The following ZFPM2 variants were observed in gnomAD, a reference collection of about 807,000 sequenced individuals.
The protein encoded by ZFPM2 is zinc finger protein, FOG family member 2.
A neutral mutation model predicts 98.6 loss-of-function variants in ZFPM2; 20 were observed. That is an observed-to-expected ratio of 0.20 (90% CI 0.14 to 0.29). ZFPM2 has a LOEUF of 0.29. Among genes scored for constraint, ZFPM2 ranks in the 10% least tolerant of loss-of-function variants. The pLI is 1.00. For synonymous variants in ZFPM2, 518 were observed against 502.7 expected, an observed-to-expected ratio of 1.03 and a Z score of -0.41; for missense variants, 1,310 against 1,388.6, an observed-to-expected ratio of 0.94 and a Z score of 0.90.
intron 5 of ZFPM2, among the ~76,000 whole-genome samples, chr8:105,651,084 C>T (rs1177279039): frequency 1.3e-5 from 2 of 152,166 alleles, no homozygotes; most frequent in Admixed American, 6.5e-5. Flanking sequence ...TTATGTGGGG[C>T]TTGATCTAGT....
chr8:105,318,800 G>T lies in ZFPM2; in HGVS notation c.-142G>T, dbSNP rs946264038. ...TCCGCGGCTCCCGGAGGAGCCCAGC[G>T]CCCGGAGCACCTGGAGTCCGGCCGG... is the stretch of plus-strand genomic sequence containing the variant. On this transcript the variant is annotated 5_prime_UTR_variant, in exon 1 of 8. Transcript: ENST00000407775. 1.9e-5 allele frequency: 5 copies of T among 265,976 alleles called. No homozygotes were observed. The highest frequency in any genetic ancestry group is 2.3e-5 in the African/African-American group (1 of 42,820). 16.5% of individuals were successfully genotyped at this position (265,976 alleles called of 1,614,324 possible).
At chr8:105,393,179 A>G (rs1811141303) in intron 1 of ZFPM2, among the ~76,000 whole-genome samples, 1 of 152,196 alleles carries the variant, frequency 6.6e-6, no homozygotes, top group Admixed American at 6.5e-5. Context: ...AATATTTTAA[A>G]GAAATATTTT....
chr8:105,798,085 T>G (rs2131167493), intron 6 of ZFPM2: 1 of 152,386 alleles, frequency 6.6e-6, no homozygotes, highest in South Asian at 2.1e-4. Flanking sequence ...CCTTACATCC[T>G]TACCTTTTAA....
At chr8:105,774,891 G>A (rs1034502366) in intron 5 of ZFPM2, among the ~76,000 whole-genome samples, 2 of 151,946 alleles carry the variant, frequency 1.3e-5, no homozygotes, top group Non-Finnish European at 2.9e-5. Flanking sequence ...ACCTCTAAGT[G>A]CTTGAGGGGG....
intron 3 of ZFPM2, among the ~76,000 whole-genome samples, chr8:105,502,444 G>A (rs901824712): frequency 2.0e-5 from 3 of 152,014 alleles, no homozygotes; most frequent in African/African-American, 7.2e-5. Context: ...CAGGAAAAAA[G>A]TCACCATTTA....
At chr8:105,403,904 T>C (rs1217403311) in intron 1 of ZFPM2, among the ~76,000 whole-genome samples, 1 of 151,956 alleles carries the variant, frequency 6.6e-6, no homozygotes, top group Non-Finnish European at 1.5e-5. Context: ...GTAATATTTA[T>C]GATCTCCCTG....
chr8:105,324,130 T>A (rs76032693), intron 1 of ZFPM2, among the ~76,000 whole-genome samples: 5,279 of 151,950 alleles, frequency 0.035, 297 homozygotes, highest in African/African-American at 0.12. Flanking sequence ...TTAAGTGATT[T>A]GCTCCTGATT....
chr8:105,444,194 G>T, intron 2 of ZFPM2, 86 bp from the exon 3 acceptor site: 1 of 1,009,934 alleles, frequency 9.9e-7, no homozygotes. Context: ...TTAGATATAT[G>T]ATAAGGACAT....
chr8:105,682,970 C>T (rs925416719), intron 5 of ZFPM2, among the ~76,000 whole-genome samples: 1 of 152,018 alleles, frequency 6.6e-6, no homozygotes, highest in African/African-American at 2.4e-5. Context: ...TCTTACAGTT[C>T]TGGAGGCTGG....
chr8:105,536,359 T>A (rs1015011545), intron 3 of ZFPM2, among the ~76,000 whole-genome samples: 1 of 152,092 alleles, frequency 6.6e-6, no homozygotes, highest in African/African-American at 2.4e-5. Flanking sequence ...AGACTCGTAT[T>A]TAAGTAAATT....
Position 105,446,486 on chromosome 8 carries a change from C to G in ZFPM2, c.301+2105C>G, listed in dbSNP as rs116355944. ...GCTGTACACCCAGTGCTACCTTTTT[C>G]AGGAAGCTTTTCGAGAAATAAAGTT... On this transcript the variant is annotated intron_variant, in intron 3 of 7. Transcript: ENST00000407775. 6.4e-3 allele frequency among the ~76,000 whole-genome samples: 980 copies of G among 152,096 alleles called. 10 individuals are homozygous for G. Among genetic ancestry groups the G allele is most frequent in the African/African-American group, 0.022 (933 of 41,492 alleles).
Position 105,393,386 on chromosome 8 carries a change from C to CTTTCTTTCTTTCTTTCTTTCTT in ZFPM2, c.41-25752_41-25751insTCTTTCTTTCTTTCTTTTTCTT, listed in dbSNP as rs1586340311. Among the ~76,000 whole-genome samples, 3 of 140,720 alleles carry CTTTCTTTCTTTCTTTCTTTCTT rather than the reference C, an allele frequency of 2.1e-5. No individual in the cohort carries two copies. The East Asian group carries it at 6.0e-4, about 28-fold the overall frequency. 92.3% of individuals were successfully genotyped at this position (140,720 alleles called of 152,430 possible). A position where few individuals can be genotyped will look rare whatever the true frequency, so the allele number is the denominator to read the frequency against. ...TCTTTCTTTCTTTCTTTCTTTCTTT[C>CTTTCTTTCTTTCTTTCTTTCTT]TTTCTTCTTCAGAATTTAAATATGG... On this transcript the variant is annotated intron_variant, in intron 1 of 7. Coordinates refer to ENST00000407775, the MANE Select transcript of ZFPM2 (RefSeq NM_012082.4).
chr8:105,682,441 T>C (rs1810629348), intron 5 of ZFPM2, among the ~76,000 whole-genome samples: 1 of 152,098 alleles, frequency 6.6e-6, no homozygotes, highest in African/African-American at 2.4e-5. Context: ...TGAGATTTTA[T>C]AGAATACAGA....
intron 5 of ZFPM2, among the ~76,000 whole-genome samples, chr8:105,768,256 GA>G (rs1218565398): frequency 2.6e-5 from 4 of 151,848 alleles, no homozygotes; most frequent in Non-Finnish European, 5.9e-5. Flanking sequence ...TGACCTCCTA[GA>G]TATAACACTA....
At chr8:105,749,662 GT>G (rs199968882) in intron 5 of ZFPM2, among the ~76,000 whole-genome samples, 8 of 150,460 alleles carry the variant, frequency 5.3e-5, no homozygotes, top group Admixed American at 4.0e-4. Context: ...ATATTGCTTT[GT>G]TTTTTTTTAA....
At chr8:105,360,713 A>G (rs1160927949) in intron 1 of ZFPM2, among the ~76,000 whole-genome samples, 2 of 146,244 alleles carry the variant, frequency 1.4e-5, no homozygotes, top group Admixed American at 6.9e-5. Flanking sequence ...TATGAGTGAG[A>G]ATATGCGGTG....
At chr8:105,429,274 T>TG (rs1811972670) in intron 2 of ZFPM2, among the ~76,000 whole-genome samples, 1 of 152,056 alleles carries the variant, frequency 6.6e-6, no homozygotes, top group Admixed American at 6.5e-5. Flanking sequence ...TGAGAACCTA[T>TG]GTTACCTGTT....
At chr8:105,637,511 C>T (rs1816870970) in intron 5 of ZFPM2, among the ~76,000 whole-genome samples, 1 of 152,070 alleles carries the variant, frequency 6.6e-6, no homozygotes, top group African/African-American at 2.4e-5. Context: ...TGCATTTCAA[C>T]ATATATTTTT....
intron 5 of ZFPM2, among the ~76,000 whole-genome samples, chr8:105,734,725 C>T (rs1043592890): frequency 2.6e-5 from 4 of 151,826 alleles, no homozygotes; most frequent in African/African-American, 7.3e-5. Flanking sequence ...GCATGTTGAG[C>T]CTCCTATTCC....
Sources: gnomAD v4.1 joint callset for allele counts (sites outside exome capture counted in the v4.1 genomes callset) on GRCh38, gnomAD v4.1.1 for gene constraint, MANE v1.5 for transcripts, NCBI Gene and HGNC (gene_info 2026-07-23, HGNC 2026-07-21) for gene names.